Variants in KAZN observed in about 807,000 individuals in gnomAD.
The protein encoded by KAZN is kazrin.
Under a neutral mutation model 87.4 loss-of-function variants are expected in KAZN, and 40 were observed. The observed-to-expected ratio is 0.46, with a 90% confidence interval of 0.36 to 0.60. The LOEUF (loss-of-function observed/expected upper bound fraction) is 0.60, where lower values mean the gene tolerates loss of function less well. KAZN is among the 20% of genes least tolerant of loss of function. KAZN has a pLI of 0.00. For missense variants in KAZN, 898 were observed against 1,073.9 expected (o/e 0.84, Z 2.29); for synonymous variants, 466 against 458.3 (o/e 1.02, Z -0.22).
intron 2 of KAZN, among the ~76,000 whole-genome samples, chr1:14,436,836 G>A (rs927259914): frequency 5.3e-5 from 8 of 151,964 alleles, no homozygotes; most frequent in South Asian, 2.1e-4. Context: ...GCCAAGGTCC[G>A]ACAGCTGGTC....
chr1:14,113,874 G>T (rs1021274134), intron 1 of KAZN, among the ~76,000 whole-genome samples: 2 of 152,228 alleles, frequency 1.3e-5, no homozygotes, highest in Admixed American at 6.5e-5. Flanking sequence ...GAGCAAAGAC[G>T]CCAGTGGGGC....
intron 4 of KAZN, 111 bp downstream of exon 4, chr1:15,044,270 G>GGGGGGCC: frequency 2.4e-6 from 1 of 413,332 alleles, no homozygotes; most frequent in Non-Finnish European, 4.2e-6. Flanking sequence ...GGTGGGTGGG[G>GGGGGGCC]CAGAGCAGAA....
At chr1:14,771,835 A>T (rs1645027838) in intron 1 of KAZN, among the ~76,000 whole-genome samples, 1 of 152,086 alleles carries the variant, frequency 6.6e-6, no homozygotes, top group Admixed American at 6.5e-5. Context: ...AAAATAAATA[A>T]ATAATAAAAA....
At chr1:14,621,006 G>A (rs185573702) in intron 1 of KAZN, among the ~76,000 whole-genome samples, 1 of 152,254 alleles carries the variant, frequency 6.6e-6, no homozygotes, top group African/African-American at 2.4e-5. Context: ...GCCTCCCCAT[G>A]TAGGAACTTG....
chr1:14,613,098 G>A (rs1009864342), intron 1 of KAZN, among the ~76,000 whole-genome samples: 1 of 152,156 alleles, frequency 6.6e-6, no homozygotes, highest in African/African-American at 2.4e-5. Flanking sequence ...AACTTCCTAT[G>A]ATGTCCTGTT....
intron 1 of KAZN, among the ~76,000 whole-genome samples, chr1:14,758,332 A>ATATT (rs35994176): frequency 0.55 from 83,027 of 149,784 alleles, 23,981 homozygotes; most frequent in African/African-American, 0.67. Flanking sequence ...CACCCAACTA[A>ATATT]TATTTATTTA....
At chr1:14,401,655 A>C (rs1428437621) in intron 2 of KAZN, among the ~76,000 whole-genome samples, 2 of 152,156 alleles carry the variant, frequency 1.3e-5, no homozygotes, top group Non-Finnish European at 2.9e-5. Context: ...ATCTCTACAA[A>C]AAATACAAAA....
intron 1 of KAZN, among the ~76,000 whole-genome samples, chr1:14,672,648 G>T (rs912315796): frequency 6.6e-6 from 1 of 152,204 alleles, no homozygotes; most frequent in African/African-American, 2.4e-5. Context: ...ATTTATCAAA[G>T]GCTGTCAGGG....
chr1:14,879,160 G>A (rs981465391), intron 1 of KAZN, among the ~76,000 whole-genome samples: 1 of 152,192 alleles, frequency 6.6e-6, no homozygotes, highest in African/African-American at 2.4e-5. Context: ...TACCAGCTGC[G>A]TCGGTCCCTG....
At chr1:14,157,807 G>T (rs979481068) in intron 1 of KAZN, among the ~76,000 whole-genome samples, 5 of 152,112 alleles carry the variant, frequency 3.3e-5, no homozygotes, top group Non-Finnish European at 5.9e-5. Flanking sequence ...ATGCTGGGGG[G>T]GCCTCAGGAA....
At chr1:14,487,015 G>C (rs904078236) in intron 2 of KAZN, among the ~76,000 whole-genome samples, 4 of 152,152 alleles carry the variant, frequency 2.6e-5, no homozygotes, top group African/African-American at 9.7e-5. Flanking sequence ...GCTATTTTTT[G>C]GTAGGGCTGA....
In KAZN at chr1:14,933,312, C is replaced by T. The variant is rs556059158; in HGVS notation, c.227-27372C>T. Among the ~76,000 whole-genome samples, 67 of 152,234 alleles carry T rather than the reference C, an allele frequency of 4.4e-4. 1 individual carries two copies. In the South Asian group the frequency reaches 5.6e-3, roughly 13 times the overall value. On this transcript the variant is annotated intron_variant, in intron 1 of 14. Coordinates refer to ENST00000376030, the MANE Select transcript of KAZN (RefSeq NM_201628.3). ...TTCACCATGTTAGCCAGGCTGCTCTCGAACTCCTGACCTCAGGTGAGCCGC... is the reference window on the plus strand; with the variant it reads ...TTCACCATGTTAGCCAGGCTGCTCTTGAACTCCTGACCTCAGGTGAGCCGC...
intron 1 of KAZN, among the ~76,000 whole-genome samples, chr1:14,621,304 A>AT (rs1678679240): frequency 6.6e-6 from 1 of 152,202 alleles, no homozygotes; most frequent in African/African-American, 2.4e-5. Context: ...TTTCTCACAA[A>AT]TGGATGTGGC....
intron 2 of KAZN, among the ~76,000 whole-genome samples, chr1:14,380,414 C>T (rs914656538): frequency 1.3e-5 from 2 of 152,146 alleles, no homozygotes; most frequent in African/African-American, 4.8e-5. Flanking sequence ...GATATGTGAC[C>T]TTTCCAAGAA....
intron 7 of KAZN, among the ~76,000 whole-genome samples, chr1:15,065,365 T>C (rs1000822018): frequency 3.9e-5 from 6 of 152,138 alleles, no homozygotes; most frequent in Non-Finnish European, 8.8e-5. Context: ...AGCAACATCC[T>C]CGTGGCAATC....
At chr1:14,145,069 T>A (rs982095280) in intron 1 of KAZN, among the ~76,000 whole-genome samples, 2 of 152,216 alleles carry the variant, frequency 1.3e-5, no homozygotes, top group African/African-American at 4.8e-5. Context: ...CCATAGCTCT[T>A]CTAGGATAAG....
intron 2 of KAZN, among the ~76,000 whole-genome samples, chr1:14,978,187 A>C (rs576017347): frequency 2.0e-5 from 3 of 152,126 alleles, no homozygotes; most frequent in Non-Finnish European, 4.4e-5. Flanking sequence ...CCTTGGGCAC[A>C]TGCTTGCTGG....
Position 14,425,421 on chromosome 1 carries a change from G to A in KAZN, c.250-173562G>A, listed in dbSNP as rs1665665953. Among the ~76,000 whole-genome samples the A allele has an allele frequency of 1.3e-5, 2 of 152,158 alleles. 1 individual carries two copies. Among genetic ancestry groups the A allele is most frequent in the South Asian group, 4.2e-4 (2 of 4,818 alleles). On this transcript the variant is annotated intron_variant, in intron 2 of 16. Transcript: ENST00000636203. ...CATTGTGAGTTCAAGAGTCACCATG[G>A]AATCTCATCCTGCAGAGTCCCAGGA...
chr1:14,640,110 A>T (rs914029598), intron 1 of KAZN, among the ~76,000 whole-genome samples: 4 of 152,200 alleles, frequency 2.6e-5, no homozygotes, highest in Non-Finnish European at 4.4e-5. Flanking sequence ...CAATATTTTT[A>T]AAAACCCCAT....
Sources: gnomAD v4.1 joint callset for allele counts (sites outside exome capture counted in the v4.1 genomes callset) on GRCh38, gnomAD v4.1.1 for gene constraint, MANE v1.5 for transcripts, NCBI Gene and HGNC (gene_info 2026-07-23, HGNC 2026-07-21) for gene names.